BRWD1: variants seen among roughly 807,000 people sequenced by gnomAD.
BRWD1 encodes the protein bromodomain and WD repeat domain containing 1, also known as bromodomain and WD repeat-containing protein 1.
A neutral mutation model predicts 251.2 loss-of-function variants in BRWD1; 82 were observed. The ratio of observed to expected loss-of-function variants is 0.33; its 90% CI spans 0.27 to 0.39. BRWD1 has a LOEUF of 0.39. BRWD1 is among the 10% of genes least tolerant of loss of function. The pLI is 1.00. For missense variants in BRWD1, 2,233 were observed against 2,711.6 expected (o/e 0.82, Z 3.92); for synonymous variants, 918 against 902.8 (o/e 1.02, Z -0.30).
chr21:39,248,852 C>T (rs1023031625), intron 20 of BRWD1, among the ~76,000 whole-genome samples: 4 of 152,154 alleles, frequency 2.6e-5, no homozygotes, highest in African/African-American at 9.6e-5. Flanking sequence ...CGAATAATCC[C>T]ATTACTGGGT....
intron 8 of BRWD1, among the ~76,000 whole-genome samples, chr21:39,285,595 C>G (rs1006937257): frequency 1.5e-4 from 23 of 152,076 alleles, no homozygotes; most frequent in African/African-American, 5.6e-4. Context: ...TGTCTTTCTA[C>G]AAGTATTATA....
chr21:39,238,605 T>A, intron 21 of BRWD1, 32 bp from the exon 22 acceptor site: 1 of 1,478,264 alleles, frequency 6.8e-7, no homozygotes, highest in Non-Finnish European at 9.5e-7. Flanking sequence ...AAAATCTTGA[T>A]CCCTGAAGTT....
At chr21:39,314,065 G>C, upstream of BRWD1, 1 of 456,006 alleles carries the variant, frequency 2.2e-6, no homozygotes, top group Non-Finnish European at 4.4e-6. Flanking sequence ...CGCCCGCTCC[G>C]GGTCGCTCGG....
chr21:39,188,295 G>A lies in BRWD1; in HGVS notation c.*7964C>T, dbSNP rs757254798. The stretch of plus-strand genomic sequence containing the variant: ...CTTCATGGTACACACCAATCTTGAT[G>A]GCAGTTTGTTTTGTAGGACCCTGCC... On this transcript the variant is annotated 3_prime_UTR_variant, in exon 41 of 41. Coordinates refer to ENST00000342449, the MANE Select transcript of BRWD1 (RefSeq NM_033656.4). 13 of 985,156 alleles carry A rather than the reference G, an allele frequency of 1.3e-5. No individual in the cohort carries two copies. Among genetic ancestry groups the A allele is most frequent in the South Asian group, 9.4e-5 (2 of 21,286 alleles). The allele number at this position is 985,156 out of a possible 1,614,324, so 61.0% of individuals were successfully genotyped here. A position where few individuals can be genotyped will look rare whatever the true frequency, so the allele number is the denominator to read the frequency against.
intron 19 of BRWD1, 141 bp downstream of exon 19, chr21:39,255,504 A>T (rs2034535440): frequency 1.4e-6 from 1 of 707,094 alleles, no homozygotes; most frequent in African/African-American, 1.8e-5. Context: ...TCCTACCACA[A>T]TTAAGATAGT....
intron 18 of BRWD1, among the ~76,000 whole-genome samples, chr21:39,257,675 G>T (rs1338628586): frequency 6.6e-6 from 1 of 152,140 alleles, no homozygotes; most frequent in Admixed American, 6.5e-5. Context: ...TGTTGAATGT[G>T]ATCACTGTAT....
At chr21:39,277,826 A>C (rs927857887) in intron 10 of BRWD1, among the ~76,000 whole-genome samples, 3 of 151,986 alleles carry the variant, frequency 2.0e-5, no homozygotes, top group Non-Finnish European at 4.4e-5. Context: ...TCAGCCTCCT[A>C]AAGTGTTGGG....
chr21:39,220,138 G>A (rs1485798302), intron 29 of BRWD1, among the ~76,000 whole-genome samples: 1 of 152,136 alleles, frequency 6.6e-6, no homozygotes, highest in Non-Finnish European at 1.5e-5. Flanking sequence ...GTGTGTGGGT[G>A]TGTCTGTTTT....
intron 18 of BRWD1, among the ~76,000 whole-genome samples, chr21:39,257,740 A>C (rs2034606052): frequency 6.6e-6 from 1 of 152,154 alleles, no homozygotes. Context: ...ATGAAGCATT[A>C]AGATATAAAG....
chr21:39,307,302 A>T (rs1355142836), intron 4 of BRWD1, among the ~76,000 whole-genome samples: 2 of 152,222 alleles, frequency 1.3e-5, no homozygotes, highest in Admixed American at 6.5e-5. Flanking sequence ...TGAATTTTCT[A>T]AGACTAAACT....
upstream of BRWD1, chr21:39,313,971 G>T (rs892213629): frequency 2.5e-6 from 1 of 396,112 alleles, no homozygotes; most frequent in South Asian, 1.7e-5. Flanking sequence ...GGCCACAAGA[G>T]GGGGCGATTC....
chr21:39,304,141 CAAAA>C (rs56990201), intron 4 of BRWD1, among the ~76,000 whole-genome samples: 14 of 118,390 alleles, frequency 1.2e-4, no homozygotes, highest in Non-Finnish European at 2.4e-4. Flanking sequence ...AACTCTTTCT[CAAAA>C]AAAAAAAAAA....
At chr21:39,208,437 T>C (rs1280978650) in intron 36 of BRWD1, among the ~76,000 whole-genome samples, 1 of 152,220 alleles carries the variant, frequency 6.6e-6, no homozygotes, top group African/African-American at 2.4e-5. Context: ...GAGTCTAATA[T>C]TAAGTAATGA....
chr21:39,288,734 CAAG>C, intron 8 of BRWD1, among the ~76,000 whole-genome samples: 1 of 152,112 alleles, frequency 6.6e-6, no homozygotes, highest in East Asian at 1.9e-4. Flanking sequence ...AAAATGTTAT[CAAG>C]AAAATCGTAA....
intron 37 of BRWD1, among the ~76,000 whole-genome samples, chr21:39,204,281 G>A (rs1318004575): frequency 6.6e-6 from 1 of 150,876 alleles, no homozygotes; most frequent in Non-Finnish European, 1.5e-5. Flanking sequence ...TCGATTGTTT[G>A]CAATAGATTG....
chr21:39,307,034 A>G (rs938587480), intron 4 of BRWD1, among the ~76,000 whole-genome samples: 1 of 152,078 alleles, frequency 6.6e-6, no homozygotes, highest in African/African-American at 2.4e-5. Flanking sequence ...TTGTATTTTT[A>G]GTAGAGACGG....
At chr21:39,248,574 G>A (rs962810261) in intron 20 of BRWD1, among the ~76,000 whole-genome samples, 11 of 145,318 alleles carry the variant, frequency 7.6e-5, no homozygotes, top group African/African-American at 2.8e-4. Flanking sequence ...GGAGGTTGAC[G>A]CTGCAGTGAG....
chr21:39,291,945 T>C (rs2035819877), intron 8 of BRWD1, among the ~76,000 whole-genome samples: 1 of 152,142 alleles, frequency 6.6e-6, no homozygotes, highest in Non-Finnish European at 1.5e-5. Context: ...GGCATAAGTC[T>C]CTTTTTTTAT....
At chr21:39,233,499 C>T (rs1380131091) in intron 23 of BRWD1, among the ~76,000 whole-genome samples, 1 of 151,960 alleles carries the variant, frequency 6.6e-6, no homozygotes, top group Non-Finnish European at 1.5e-5. Context: ...AGTATGAAGA[C>T]AGACATGTAA....
Sources: gnomAD v4.1 joint callset for allele counts (sites outside exome capture counted in the v4.1 genomes callset) on GRCh38, gnomAD v4.1.1 for gene constraint, MANE v1.5 for transcripts, NCBI Gene and HGNC (gene_info 2026-07-23, HGNC 2026-07-21) for gene names.